The following TENT2 variants were observed in gnomAD, a reference collection of about 807,000 sequenced individuals.
TENT2 encodes the protein poly(A) RNA polymerase GLD2.
Under a neutral mutation model 72.2 loss-of-function variants are expected in TENT2, and 44 were observed. That is an observed-to-expected ratio of 0.61 (90% CI 0.48 to 0.78). The LOEUF (loss-of-function observed/expected upper bound fraction) is 0.78, where lower values mean the gene tolerates loss of function less well. TENT2 is among the 30% of genes least tolerant of loss of function. The probability of loss-of-function intolerance (pLI) is 0.00; values close to 1 mark genes in which losing one functional copy is unlikely to be tolerated. For synonymous variants in TENT2, 212 were observed against 192.5 expected (o/e 1.10, Z -0.84); for missense variants, 541 against 569.6 (o/e 0.95, Z 0.51).
intron 12 of TENT2, among the ~76,000 whole-genome samples, chr5:79,678,814 A>G (rs1360225255): frequency 6.6e-6 from 1 of 152,238 alleles, no homozygotes; most frequent in East Asian, 1.9e-4. Context: ...CTAGAAGATT[A>G]CTTCTGTCTT....
At chr5:79,621,712 C>T (rs1476956474) in intron 3 of TENT2, among the ~76,000 whole-genome samples, 42 of 150,520 alleles carry the variant, frequency 2.8e-4, no homozygotes, top group Admixed American at 2.8e-3. Flanking sequence ...AAGCCAAGAT[C>T]CCCCCACTGC....
At chr5:79,681,380 G>T (rs1370621471) in intron 13 of TENT2, among the ~76,000 whole-genome samples, 1 of 151,494 alleles carries the variant, frequency 6.6e-6, no homozygotes, top group Non-Finnish European at 1.5e-5. Context: ...GGATGGTCTC[G>T]ATCTCTTGAC....
intron 11 of TENT2, among the ~76,000 whole-genome samples, chr5:79,666,371 C>T (rs931962949): frequency 4.7e-5 from 7 of 148,514 alleles, no homozygotes; most frequent in Admixed American, 4.0e-4. Context: ...GATGTCTTTT[C>T]TTTCTTTTTT....
At chr5:79,616,323 C>G (rs1395981261) in intron 1 of TENT2, among the ~76,000 whole-genome samples, 3 of 151,728 alleles carry the variant, frequency 2.0e-5, no homozygotes, top group Non-Finnish European at 2.9e-5. Flanking sequence ...CCCAGCCTCC[C>G]AAGTAGCTGG....
chr5:79,659,556 GTATATATATATATATATATATA>G lies in TENT2; in HGVS notation c.1071+2572_1071+2593del, dbSNP rs71855117. ...CAAAAAAAAAAAAAAAAAAAAAAATGTATATATATATATATATATATATATATATATATATATAATAGCCATC... is the reference window on the plus strand; with the variant it reads ...CAAAAAAAAAAAAAAAAAAAAAAATGTATATATATATATATAATAGCCATC... On this transcript the variant is annotated intron_variant, in intron 11 of 14. Coordinates refer to ENST00000453514, the MANE Select transcript of TENT2 (RefSeq NM_001114394.3). Among the ~76,000 whole-genome samples, 9 of 34,270 alleles carry G rather than the reference GTATATATATATATATATATATA, an allele frequency of 2.6e-4. 1 individual carries two copies. The highest frequency in any genetic ancestry group is 1.5e-3 in the East Asian group (1 of 682). 22.5% of individuals were successfully genotyped at this position (34,270 alleles called of 152,430 possible). A position where few individuals can be genotyped will look rare whatever the true frequency, so the allele number is the denominator to read the frequency against.
chr5:79,616,764 G>A (rs946726528), intron 1 of TENT2, among the ~76,000 whole-genome samples: 5 of 152,158 alleles, frequency 3.3e-5, no homozygotes, highest in African/African-American at 1.2e-4. Context: ...AGACATAAGG[G>A]TCTGCTAAAG....
Position 79,644,899 on chromosome 5 carries a change from A to G in TENT2, c.752-224A>G. ...TGAACTTCTCTATAGATACTATATT[A>G]GATCACATTCCTGAAAATAACCTTA... On this transcript the variant is annotated intron_variant, in intron 7 of 14. Coordinates refer to ENST00000453514, the MANE Select transcript of TENT2 (RefSeq NM_001114394.3). The G allele has an allele frequency of 7.1e-6, 3 of 423,732 alleles. No individual in the cohort carries two copies. The Admixed American group carries it at 1.3e-4, about 18-fold the overall frequency. The allele number at this position is 423,732 out of a possible 1,614,324, so 26.2% of individuals were successfully genotyped here.
chr5:79,624,296 T>C (rs186882271), intron 4 of TENT2, among the ~76,000 whole-genome samples: 4 of 152,234 alleles, frequency 2.6e-5, no homozygotes, highest in African/African-American at 7.2e-5. Flanking sequence ...TTTGGGTTCC[T>C]ATCAACCAGC....
intron 4 of TENT2, among the ~76,000 whole-genome samples, chr5:79,636,012 ATTCTTTTTTCTT>A (rs1453595472): frequency 6.6e-6 from 1 of 152,170 alleles, no homozygotes; most frequent in African/African-American, 2.4e-5. Flanking sequence ...TCTGTTGCAT[ATTCTTTTTTCTT>A]TTCTTTTTAA....
At chr5:79,631,261 G>A (rs1775284309) in intron 4 of TENT2, among the ~76,000 whole-genome samples, 1 of 152,176 alleles carries the variant, frequency 6.6e-6, no homozygotes, top group Admixed American at 6.5e-5. Flanking sequence ...TGAGAAGAAG[G>A]TTTTGAGGAT....
At chr5:79,655,973 G>C (rs939756799) in intron 10 of TENT2, among the ~76,000 whole-genome samples, 8 of 151,826 alleles carry the variant, frequency 5.3e-5, no homozygotes, top group African/African-American at 1.9e-4. Context: ...TACATTAATA[G>C]ATTTCAGAAG....
At position 79,620,774 on chromosome 5, in the gene TENT2, G is replaced by C. The variant is rs143646583; in HGVS notation, c.227+691G>C. On this transcript the variant is annotated intron_variant, in intron 3 of 14. Transcript: ENST00000453514. ...TAGGACTTCAACATCTGAATTTCTA[G>C]GGGGACACAATTATAGCATTTTCTT... Among the ~76,000 whole-genome samples, 594 of 152,242 alleles carry C rather than the reference G, an allele frequency of 3.9e-3. 4 individuals carry two copies. The highest frequency in any genetic ancestry group is 6.2e-3 in the Non-Finnish European group (419 of 67,994).
chr5:79,622,384 A>G (rs1046765003), intron 3 of TENT2, among the ~76,000 whole-genome samples: 2 of 152,164 alleles, frequency 1.3e-5, no homozygotes, highest in African/African-American at 4.8e-5. Flanking sequence ...TATTACCTAC[A>G]TGAACAACTT....
chr5:79,681,193 C>T (rs936311918), intron 13 of TENT2, among the ~76,000 whole-genome samples: 1 of 97,528 alleles, frequency 1.0e-5, no homozygotes, highest in Non-Finnish European at 1.8e-5. Flanking sequence ...TGGAGTCTCT[C>T]TCTTTCGCCA....
rs1307585046 is a variant in TENT2, at chr5:79,640,952, G to A, written c.567G>A (p.Gln189=). The A allele has an allele frequency of 6.2e-7, 1 of 1,604,888 alleles. No individual in the cohort carries two copies. Among genetic ancestry groups the A allele is most frequent in the Non-Finnish European group, 8.5e-7 (1 of 1,176,474 alleles). ...LCRTQLQREI[Q]LLFPQSRLFL... The stretch of plus-strand genomic sequence containing the variant: ...GAACACAGCTGCAGAGAGAAATTCA[G>A]CTGTTATTTCCACGTATGTTTCCCT... The change falls in exon 5 of 15, where the codon CAG becomes CAA. Residue 189 remains glutamine (Q), a synonymous_variant. Transcript: ENST00000453514.
At position 79,641,152 on chromosome 5, in the gene TENT2, C is replaced by G; in HGVS notation, c.628C>G (p.Arg210Gly). Residue 210 changes from arginine to glycine, a missense_variant, in exon 6 of 15, where the codon CGG becomes GGG. Transcript: ENST00000453514. ...GTCCTCTTTAAATGGATTTGGTACC[C>G]GGAGCAGTGATGGTGATTTATGCCT... ...VGSSLNGFGT[R>G]SSDGDLCLVV... 1.3e-6 allele frequency: 2 copies of G among 1,576,992 alleles called. No homozygotes were observed. Among genetic ancestry groups the G allele is most frequent in the African/African-American group, 1.4e-5 (1 of 72,198 alleles).
intron 12 of TENT2, 143 bp downstream of exon 12, chr5:79,669,171 C>A: frequency 3.9e-6 from 4 of 1,017,508 alleles, no homozygotes; most frequent in African/African-American, 1.6e-5. Context: ...GTAAAGTTGT[C>A]CAGAAATGTA....
At position 79,619,689 on chromosome 5, in the gene TENT2, C is replaced by T. The variant is rs1240999606; in HGVS notation, c.41C>T (p.Pro14Leu). The change falls in exon 2 of 15, where the codon CCA becomes CTA. Residue 14 changes from proline (P) to leucine (L), a missense_variant. By Grantham distance (98) the Pro-to-Leu change is moderately conservative. Coordinates refer to ENST00000453514, the MANE Select transcript of TENT2 (RefSeq NM_001114394.3). Reference protein sequence around the residue: ...NSILGRPPFTPNHQQHNNFFT... With the variant: ...NSILGRPPFTLNHQQHNNFFT... The stretch of plus-strand genomic sequence containing the variant: ...ATTTTGGGTCGCCCACCCTTCACTC[C>T]AAATCATCAACAACATAATAACTTC... 1.2e-6 allele frequency: 2 copies of T among 1,613,828 alleles called. No homozygotes were observed. Among genetic ancestry groups the T allele is most frequent in the Admixed American group, 3.3e-5 (2 of 60,002 alleles).
rs1334454710 is a variant in TENT2 at position 79,686,972 on chromosome 5, A to C, written c.*1699A>C. On this transcript the variant is annotated 3_prime_UTR_variant, in exon 15 of 15. Transcript: ENST00000453514. ...AATCATTATAAGCATTAGTCATAGT[A>C]CTATTCAGTAATACTGTGCAACTTT... 3.3e-5 allele frequency among the ~76,000 whole-genome samples: 5 copies of C among 152,158 alleles called. No homozygotes were observed. The highest frequency in any genetic ancestry group is 3.3e-4 in the Admixed American group (5 of 15,266).
Sources: allele counts gnomAD v4.1 joint callset (sites outside exome capture counted in the v4.1 genomes callset), GRCh38; gene constraint gnomAD v4.1.1; transcripts MANE v1.5; gene names NCBI Gene and HGNC (gene_info 2026-07-23, HGNC 2026-07-21).